HPSE2: variants seen among roughly 807,000 people sequenced by gnomAD.
HPSE2 encodes heparanase 2 (inactive).
HPSE2 carries 38 observed loss-of-function variants against 60.5 expected under a neutral mutation model. The observed-to-expected ratio is 0.63, with a 90% CI of 0.48 to 0.82. The LOEUF (loss-of-function observed/expected upper bound fraction) is 0.82. HPSE2 is among the 40% of genes least tolerant of loss of function. The probability of loss-of-function intolerance (pLI) is 0.00; values close to 1 mark genes in which losing one functional copy is unlikely to be tolerated. For synonymous variants in HPSE2, 295 were observed against 293.2 expected (o/e 1.01, Z -0.06); for missense variants, 713 against 740.4 (o/e 0.96, Z 0.43).
At chr10:98,562,706 C>G (rs905785321) in intron 9 of HPSE2, among the ~76,000 whole-genome samples, 6 of 88,522 alleles carry the variant, frequency 6.8e-5, no homozygotes, top group African/African-American at 2.0e-4. Flanking sequence ...CAGAGTGAGA[C>G]TCTGTCTCAA....
intron 3 of HPSE2, among the ~76,000 whole-genome samples, chr10:99,073,098 C>G (rs189984465): frequency 2.6e-5 from 4 of 152,096 alleles, no homozygotes; most frequent in Admixed American, 2.6e-4. Flanking sequence ...CCAGAAATAC[C>G]ATTTGCCCCA....
intron 3 of HPSE2, among the ~76,000 whole-genome samples, chr10:99,063,350 A>G (rs1014598036): frequency 3.9e-5 from 6 of 152,076 alleles, no homozygotes; most frequent in Admixed American, 3.3e-4. Flanking sequence ...AAAAACAGCA[A>G]GGATATACAT....
At chr10:99,164,227 TTATA>T (rs60497589) in intron 2 of HPSE2, among the ~76,000 whole-genome samples, 67 of 33,944 alleles carry the variant, frequency 2.0e-3, no homozygotes, top group South Asian at 5.5e-3. Flanking sequence ...TATTCAAGCA[TTATA>T]TATATATATA....
At chr10:98,905,063 G>A (rs1372864982) in intron 3 of HPSE2, among the ~76,000 whole-genome samples, 2 of 151,992 alleles carry the variant, frequency 1.3e-5, no homozygotes, top group African/African-American at 2.4e-5. Context: ...AGAGACAGGA[G>A]GAAAATAGAG....
At chr10:99,205,730 A>G in intron 2 of HPSE2, among the ~76,000 whole-genome samples, 1 of 152,242 alleles carries the variant, frequency 6.6e-6, no homozygotes, top group African/African-American at 2.4e-5. Context: ...GTATTAAACC[A>G]TAACTGCGTA....
chr10:98,462,213 C>T (rs1190239627), intron 11 of HPSE2, among the ~76,000 whole-genome samples: 1 of 152,116 alleles, frequency 6.6e-6, no homozygotes, highest in African/African-American at 2.4e-5. Flanking sequence ...GAGTCTCGAT[C>T]TGTTGCCCAG....
the HPSE2 span, among the ~76,000 whole-genome samples, chr10:99,278,821 T>C: frequency 0.028 from 4,195 of 152,316 alleles, 190 homozygotes; most frequent in African/African-American, 0.095. Flanking sequence ...TATGTAAAAG[T>C]AGCTGTCACA....
intron 11 of HPSE2, among the ~76,000 whole-genome samples, chr10:98,474,781 C>T (rs1940930488): frequency 6.6e-6 from 1 of 152,086 alleles, no homozygotes. Flanking sequence ...AACCTATTAG[C>T]CCCAAAGCAG....
intron 3 of HPSE2, among the ~76,000 whole-genome samples, chr10:98,968,729 G>A (rs1334949736): frequency 6.6e-6 from 1 of 152,136 alleles, no homozygotes; most frequent in African/African-American, 2.4e-5. Flanking sequence ...GTTGTTCTAA[G>A]TGAAGTAACT....
intron 3 of HPSE2, among the ~76,000 whole-genome samples, chr10:99,092,439 A>C (rs912132283): frequency 1.3e-5 from 2 of 152,216 alleles, no homozygotes; most frequent in African/African-American, 4.8e-5. Context: ...GTCCAAAGCA[A>C]GCACCTTCAC....
the HPSE2 span, among the ~76,000 whole-genome samples, chr10:99,294,152 A>C: frequency 6.6e-6 from 1 of 151,902 alleles, no homozygotes; most frequent in Admixed American, 6.6e-5. Context: ...ATAAGATTGC[A>C]CCTAAATTAA....
intron 3 of HPSE2, among the ~76,000 whole-genome samples, chr10:99,125,031 A>C (rs1214673366): frequency 6.6e-6 from 1 of 152,266 alleles, no homozygotes; most frequent in African/African-American, 2.4e-5. Flanking sequence ...GTAGCAGCAG[A>C]AGATAGTGGT....
At chr10:98,870,991 T>C (rs931594298) in intron 3 of HPSE2, among the ~76,000 whole-genome samples, 16 of 150,966 alleles carry the variant, frequency 1.1e-4, no homozygotes, top group African/African-American at 3.7e-4. Flanking sequence ...TCTCTTGCCC[T>C]CTCTCACCAC....
chr10:98,561,317 C>G (rs1944174786), intron 9 of HPSE2, among the ~76,000 whole-genome samples: 1 of 151,808 alleles, frequency 6.6e-6, no homozygotes, highest in South Asian at 2.1e-4. Flanking sequence ...GATCTTGTCC[C>G]CTTGTAGGCC....
At chr10:98,889,274 C>CTCCTTG (rs1953263881) in intron 3 of HPSE2, among the ~76,000 whole-genome samples, 1 of 152,112 alleles carries the variant, frequency 6.6e-6, no homozygotes, top group Non-Finnish European at 1.5e-5. Context: ...CCTCTGCACC[C>CTCCTTG]ATGGCTCAAG....
In HPSE2 at chr10:99,235,752, G is replaced by T; in HGVS notation, c.51C>A (p.Arg17=). ...FPEAMPSSNS[R]PPACLAPGAL... is the part of the protein sequence containing the mutation. ...CCCCCGGGGCTAGGCACGCGGGGGGGCGGGAGTTGCTGGAGGGCATGGCTT... is the reference window on the plus strand; with the variant it reads ...CCCCCGGGGCTAGGCACGCGGGGGGTCGGGAGTTGCTGGAGGGCATGGCTT... Residue 17 remains arginine (R), a synonymous_variant, in exon 1 of 12, where the codon CGC becomes CGA. Transcript: ENST00000370552. The T allele has an allele frequency of 6.2e-7, 1 of 1,613,936 alleles. No homozygotes were observed. The highest frequency in any genetic ancestry group is 8.5e-7 in the Non-Finnish European group (1 of 1,179,936).
chr10:99,246,660 T>C, the HPSE2 span, among the ~76,000 whole-genome samples: 1 of 151,936 alleles, frequency 6.6e-6, no homozygotes, highest in African/African-American at 2.4e-5. Flanking sequence ...GGCAGGGGGA[T>C]TGCTCAAACC....
intron 2 of HPSE2, among the ~76,000 whole-genome samples, chr10:99,153,016 T>C (rs1330186491): frequency 6.6e-6 from 1 of 152,138 alleles, no homozygotes; most frequent in East Asian, 1.9e-4. Flanking sequence ...ATCGGGTCAA[T>C]CCCATCCAAA....
intron 9 of HPSE2, among the ~76,000 whole-genome samples, chr10:98,562,855 G>T (rs1944231932): frequency 6.6e-6 from 1 of 151,246 alleles, no homozygotes; most frequent in African/African-American, 2.4e-5. Context: ...TTTTTATTTG[G>T]ATGGGTTGAT....
Sources: allele counts gnomAD v4.1 joint callset (sites outside exome capture counted in the v4.1 genomes callset), GRCh38; gene constraint gnomAD v4.1.1; transcripts MANE v1.5; gene names NCBI Gene and HGNC (gene_info 2026-07-23, HGNC 2026-07-21).